COQ3: variants seen among roughly 807,000 people sequenced by gnomAD.
COQ3 encodes the protein coenzyme Q3, methyltransferase, also known as ubiquinone biosynthesis O-methyltransferase, mitochondrial.
COQ3 carries 29 observed loss-of-function variants against 33.1 expected under a neutral mutation model. The ratio of observed to expected loss-of-function variants is 0.88; its 90% confidence interval spans 0.65 to 1.19. The LOEUF (loss-of-function observed/expected upper bound fraction) is 1.19. COQ3 is among the 50% of genes most tolerant of loss of function. The probability of loss-of-function intolerance (pLI) is 0.00; values close to 1 mark genes in which losing one functional copy is unlikely to be tolerated. For missense variants in COQ3, 437 were observed against 430.7 expected (o/e 1.01, Z -0.13); for synonymous variants, 173 against 157.8 (o/e 1.10, Z -0.72).
At chr6:99,382,940 T>G (rs1774512940) in intron 2 of COQ3, 3 of 144,152 alleles carry the variant, frequency 2.1e-5, no homozygotes, top group East Asian at 4.1e-4. Context: ...GCAACAAGAG[T>G]GAAACTCTTG....
In COQ3 at chr6:99,369,823, GAAAA is replaced by G; in HGVS notation, c.890-7_890-4del. 8.5e-7 allele frequency: 1 copy of G among 1,170,090 alleles called. No homozygotes were observed. The highest frequency in any genetic ancestry group is 1.2e-6 in the Non-Finnish European group (1 of 860,128). The allele number at this position is 1,170,090 out of a possible 1,614,324, so 72.5% of individuals were successfully genotyped here. On this transcript the variant is annotated splice_polypyrimidine_tract_variant and splice_region_variant and intron_variant, in intron 6 of 6. Transcript: ENST00000254759. Reference sequence around the variant, plus strand: ...CACTGTTTGAACTGACAGACCATCTGAAAAAAAAAAAAATCAGAAAGAGTAGATT... The same window carrying G: ...CACTGTTTGAACTGACAGACCATCTGAAAAAAAAATCAGAAAGAGTAGATT...
In COQ3 at chr6:99,375,688, A is replaced by G. The variant is rs58858836; in HGVS notation, c.729+252T>C. On this transcript the variant is annotated intron_variant, in intron 5 of 6. Transcript: ENST00000254759. ...GCATAAGCCACCATATCCAGCCAGC[A>G]CCAGCATTTTTCAAGATCCCTGGAC... 1.9e-3 allele frequency among the ~76,000 whole-genome samples: 285 copies of G among 152,214 alleles called. 4 individuals carry two copies. In the East Asian group the frequency reaches 0.047, roughly 25 times the overall value.
At chr6:99,372,564 C>T (rs148149822) in intron 5 of COQ3, among the ~76,000 whole-genome samples, 3,426 of 151,960 alleles carry the variant, frequency 0.023, 125 homozygotes, top group African/African-American at 0.077. Context: ...ATTACAGGTG[C>T]CTGCCACCAC....
Position 99,369,747 on chromosome 6 carries a change from A to G in COQ3, c.963T>C (p.Asn321=). 1 of 1,613,458 alleles carries G rather than the reference A, an allele frequency of 6.2e-7. No homozygotes were observed. The highest frequency in any genetic ancestry group is 8.5e-7 in the Non-Finnish European group (1 of 1,179,710). The part of the protein sequence containing the change: ...PFSGYWHWSE[N]TSLNYAAYAV... ...CATAAGCTGCATAGTTAAGGCTGGT[A>G]TTTTCACTCCAATGCCAGTAACCTG... Residue 321 remains asparagine, a synonymous_variant, in exon 7 of 7, where the codon AAT becomes AAC. Coordinates refer to ENST00000254759, the MANE Select transcript of COQ3 (RefSeq NM_017421.4).
In COQ3 at chr6:99,380,309, T is replaced by C; in HGVS notation, c.266A>G (p.Gln89Arg). ...TACCTCACCGCTGTCGACAGTGGTT[T>C]GGGAAGTACTGTACAGTCTCGCCCA... is the stretch of plus-strand genomic sequence containing the variant. Reference protein sequence around the residue: ...YPWARLYSTSQTTVDSGEVKT... With the variant: ...YPWARLYSTSRTTVDSGEVKT... The change falls in exon 3 of 7, where the codon CAA (glutamine) becomes CGA (arginine). Residue 89 changes from glutamine (Q) to arginine (R), a missense_variant. Coordinates refer to ENST00000254759, the MANE Select transcript of COQ3 (RefSeq NM_017421.4). 6.2e-7 allele frequency: 1 copy of C among 1,614,082 alleles called. No homozygotes were observed. Among genetic ancestry groups the C allele is most frequent in the Non-Finnish European group, 8.5e-7 (1 of 1,180,006 alleles).
intron 2 of COQ3, among the ~76,000 whole-genome samples, chr6:99,381,122 C>T (rs948516233): frequency 1.3e-5 from 2 of 152,022 alleles, no homozygotes; most frequent in African/African-American, 4.8e-5. Context: ...CAGGTGCCTC[C>T]ATCTTCTCTG....
chr6:99,384,073 GT>G (rs780821721), intron 1 of COQ3, among the ~76,000 whole-genome samples: 2 of 151,692 alleles, frequency 1.3e-5, no homozygotes, highest in Non-Finnish European at 2.9e-5. Context: ...GCTCATTTTT[GT>G]TGTTATTGTT....
intron 2 of COQ3, among the ~76,000 whole-genome samples, chr6:99,381,674 G>A (rs1774475053): frequency 1.3e-5 from 2 of 151,978 alleles, no homozygotes; most frequent in South Asian, 4.1e-4. Flanking sequence ...GTCTGTAATC[G>A]CAGCATTTTG....
intron 1 of COQ3, among the ~76,000 whole-genome samples, chr6:99,387,965 G>A (rs1242825812): frequency 6.6e-6 from 1 of 152,098 alleles, no homozygotes; most frequent in Non-Finnish European, 1.5e-5. Context: ...GGGAGTTCGA[G>A]ACCAGCCTGA....
At chr6:99,385,912 G>A (rs1346466162) in intron 1 of COQ3, among the ~76,000 whole-genome samples, 1 of 147,762 alleles carries the variant, frequency 6.8e-6, no homozygotes, top group African/African-American at 2.5e-5. Flanking sequence ...GGGAGATGGA[G>A]GTTGCAGTGA....
chr6:99,383,375 C>T (rs1774527117), intron 2 of COQ3, among the ~76,000 whole-genome samples: 1 of 152,132 alleles, frequency 6.6e-6, no homozygotes, highest in African/African-American at 2.4e-5. Flanking sequence ...TTGTTTGTGT[C>T]TTGTCATAAG....
In COQ3 at chr6:99,380,225, A is replaced by G; in HGVS notation, c.350T>C (p.Leu117Pro). ...CACCCTCAGGTCATTCATGGAATGA[A>G]GAGGTGCATATACTCCTTGTTCATC... ...WWDEQGVYAPLHSMNDLRVPF... is the reference protein window; with the variant it reads ...WWDEQGVYAPPHSMNDLRVPF... Residue 117 changes from leucine (L) to proline (P), a missense_variant, in exon 3 of 7, where the codon CTT becomes CCT. Leu to Pro is a moderately conservative substitution (Grantham distance 98). Transcript: ENST00000254759. 1.2e-6 allele frequency: 2 copies of G among 1,614,012 alleles called. No individual in the cohort carries two copies. Among genetic ancestry groups the G allele is most frequent in the Non-Finnish European group, 1.7e-6 (2 of 1,179,940 alleles).
At chr6:99,392,591 C>T (rs1314487976) in intron 1 of COQ3, among the ~76,000 whole-genome samples, 1 of 151,966 alleles carries the variant, frequency 6.6e-6, no homozygotes, top group African/African-American at 2.4e-5. Context: ...CAAACTTTCT[C>T]ACAGATTCTC....
intron 3 of COQ3, among the ~76,000 whole-genome samples, chr6:99,378,786 T>C (rs1774379234): frequency 6.6e-6 from 1 of 152,150 alleles, no homozygotes; most frequent in Non-Finnish European, 1.5e-5. Flanking sequence ...TGTCAGTATT[T>C]CTCTTTTTGG....
chr6:99,370,744 T>C (rs1257863473), intron 6 of COQ3, among the ~76,000 whole-genome samples: 1 of 152,088 alleles, frequency 6.6e-6, no homozygotes, highest in East Asian at 1.9e-4. Context: ...AGTTTACTGA[T>C]AGACTTATAT....
chr6:99,393,947 G>A, intron 1 of COQ3, 127 bp downstream of exon 1: 1 of 736,576 alleles, frequency 1.4e-6, no homozygotes, highest in Non-Finnish European at 2.3e-6. Flanking sequence ...CCAGGACCAA[G>A]CCTTAGGTTT....
At chr6:99,388,665 T>A (rs910667859) in intron 1 of COQ3, among the ~76,000 whole-genome samples, 17 of 152,014 alleles carry the variant, frequency 1.1e-4, no homozygotes, top group African/African-American at 4.1e-4. Context: ...CTGGCCAACA[T>A]GGTGAAACTC....
chr6:99,369,690 G>C lies in COQ3; in HGVS notation c.1020C>G (p.Ala340=). 2 of 1,613,978 alleles carry C rather than the reference G, an allele frequency of 1.2e-6. No homozygotes were observed. Among genetic ancestry groups the C allele is most frequent in the Non-Finnish European group, 1.7e-6 (2 of 1,179,892 alleles). The change falls in exon 7 of 7, where the codon GCC becomes GCG. Residue 340 remains alanine (A), a synonymous_variant. Coordinates refer to ENST00000254759, the MANE Select transcript of COQ3 (RefSeq NM_017421.4). ...CTCCCTTTAAAACAAACTCAGCAGA[G>C]GCTGGGTGTTCCTGGACCCTGGATT... ...AVKSRVQEHP[A]SAEFVLKGET...
At chr6:99,381,029 G>A (rs1774459229) in intron 2 of COQ3, among the ~76,000 whole-genome samples, 1 of 152,062 alleles carries the variant, frequency 6.6e-6, no homozygotes. Context: ...CTGCAAGGTG[G>A]GTATTATTAT....
Sources: gnomAD v4.1 joint callset for allele counts (sites outside exome capture counted in the v4.1 genomes callset) on GRCh38, gnomAD v4.1.1 for gene constraint, MANE v1.5 for transcripts, NCBI Gene and HGNC (gene_info 2026-07-23, HGNC 2026-07-21) for gene names.